SYK: variants seen among roughly 807,000 people sequenced by gnomAD.
SYK encodes spleen associated tyrosine kinase, also known as tyrosine-protein kinase SYK.
SYK carries 16 observed loss-of-function variants against 77.8 expected under a neutral mutation model. The observed-to-expected ratio is 0.21, with a 90% CI of 0.14 to 0.31. The LOEUF (loss-of-function observed/expected upper bound fraction) is 0.31. Ranked by LOEUF, SYK falls within the 10% of genes least tolerant of loss-of-function variation. The pLI, the probability that SYK is intolerant of heterozygous loss-of-function variation, is 1.00. For synonymous variants in SYK, 312 were observed against 308.7 expected, an observed-to-expected ratio of 1.01 and a Z score of -0.11; for missense variants, 529 against 814.4, an observed-to-expected ratio of 0.65 and a Z score of 4.26.
intron 8 of SYK, 88 bp from the exon 9 acceptor site, chr9:90,874,584 C>T (rs1003342083): frequency 6.9e-7 from 1 of 1,439,142 alleles, no homozygotes; most frequent in African/African-American, 1.4e-5. Context: ...ACTCTGAGTT[C>T]ATATTCCCAT....
intron 7 of SYK, among the ~76,000 whole-genome samples, chr9:90,868,626 A>G (rs1827610292): frequency 6.6e-6 from 1 of 152,230 alleles, no homozygotes; most frequent in Non-Finnish European, 1.5e-5. Context: ...GTTTAACTTC[A>G]TGAGAAGAGA....
At chr9:90,805,593 AAGT>A (rs1438864742) in intron 1 of SYK, among the ~76,000 whole-genome samples, 3 of 152,192 alleles carry the variant, frequency 2.0e-5, no homozygotes, top group Non-Finnish European at 2.9e-5. Context: ...GCCTGACTAT[AAGT>A]AGCATTTGAA....
chr9:90,814,446 G>T (rs1825214254), intron 1 of SYK, among the ~76,000 whole-genome samples: 1 of 152,126 alleles, frequency 6.6e-6, no homozygotes, highest in Non-Finnish European at 1.5e-5. Flanking sequence ...AGGTGTCAGG[G>T]ACCAGTTGCC....
intron 11 of SYK, among the ~76,000 whole-genome samples, chr9:90,883,942 T>G (rs1828260733): frequency 6.6e-6 from 1 of 152,148 alleles, no homozygotes; most frequent in Non-Finnish European, 1.5e-5. Context: ...AGCTCACTGC[T>G]GTCACCACTG....
chr9:90,857,251 A>G (rs1054237613), intron 3 of SYK, among the ~76,000 whole-genome samples: 4 of 152,256 alleles, frequency 2.6e-5, no homozygotes, highest in Non-Finnish European at 5.9e-5. Flanking sequence ...GTAATTGATC[A>G]AAGTATGCCA....
intron 6 of SYK, among the ~76,000 whole-genome samples, 200 bp downstream of exon 6, chr9:90,865,297 C>T (rs1226386275): frequency 6.6e-6 from 1 of 151,512 alleles, no homozygotes; most frequent in Non-Finnish European, 1.5e-5. Flanking sequence ...ATTTTCTTTT[C>T]TTTTTTTCTT....
At chr9:90,860,509 A>C (rs73506033) in intron 3 of SYK, among the ~76,000 whole-genome samples, 2,626 of 152,246 alleles carry the variant, frequency 0.017, 77 homozygotes, top group African/African-American at 0.06. Flanking sequence ...GGCTGTGAAA[A>C]GGGAGCTCAC....
intron 10 of SYK, 138 bp from the exon 11 acceptor site, chr9:90,878,626 T>C: frequency 1.5e-6 from 1 of 653,528 alleles, no homozygotes; most frequent in Non-Finnish European, 2.6e-6. Flanking sequence ...AACAAAGTTA[T>C]TTGTCACCAC....
chr9:90,872,077 G>C (rs888904492), intron 7 of SYK, among the ~76,000 whole-genome samples: 2 of 152,168 alleles, frequency 1.3e-5, no homozygotes, highest in Non-Finnish European at 2.9e-5. Context: ...TGACACCCTA[G>C]TATCCCTTTC....
chr9:90,854,281 G>C (rs11795405), intron 3 of SYK, among the ~76,000 whole-genome samples: 10 of 152,182 alleles, frequency 6.6e-5, no homozygotes, highest in African/African-American at 9.7e-5. Context: ...CTGCTCTGAC[G>C]GCTCACAGCA....
intron 1 of SYK, among the ~76,000 whole-genome samples, chr9:90,823,357 T>A (rs543097640): frequency 4.6e-5 from 7 of 152,286 alleles, no homozygotes; most frequent in Middle Eastern, 3.4e-3. Context: ...ACCAAATAGA[T>A]AGGATAAAAA....
rs994855136 is a variant in SYK at position 90,824,004 on chromosome 9, GA to G, written c.-41-19844del. Among the ~76,000 whole-genome samples the G allele has an allele frequency of 1.5e-4, 20 of 135,098 alleles. No individual in the cohort carries two copies. In the South Asian group the frequency reaches 3.2e-3, roughly 22 times the overall value. 88.6% of individuals were successfully genotyped at this position (135,098 alleles called of 152,430 possible). A position where few individuals can be genotyped will look rare whatever the true frequency, so the allele number is the denominator to read the frequency against. On this transcript the variant is annotated intron_variant, in intron 1 of 13. Transcript: ENST00000375754. Reference sequence around the variant, plus strand: ...ACCAAATTGATAAACCTTTAACCAAGAAAAAAAAAAGAAAAAAATGTAGAAG... The same window carrying G: ...ACCAAATTGATAAACCTTTAACCAAGAAAAAAAAAGAAAAAAATGTAGAAG...
chr9:90,835,371 A>C (rs1826035045), intron 1 of SYK, among the ~76,000 whole-genome samples: 1 of 152,220 alleles, frequency 6.6e-6, no homozygotes, highest in South Asian at 2.1e-4. Flanking sequence ...GGGCCCAGGA[A>C]ATCTTGGCAG....
At chr9:90,848,676 A>G (rs192165286) in intron 3 of SYK, among the ~76,000 whole-genome samples, 1 of 152,292 alleles carries the variant, frequency 6.6e-6, no homozygotes, top group Admixed American at 6.5e-5. Flanking sequence ...CCATGGACCA[A>G]CATTACTGGA....
chr9:90,843,152 G>A (rs1826440256), intron 1 of SYK, among the ~76,000 whole-genome samples: 1 of 152,170 alleles, frequency 6.6e-6, no homozygotes, highest in Admixed American at 6.5e-5. Flanking sequence ...GGAGAAGACA[G>A]CCTATGGGCC....
At chr9:90,852,750 GA>G (rs1460616710) in intron 3 of SYK, among the ~76,000 whole-genome samples, 4 of 151,966 alleles carry the variant, frequency 2.6e-5, no homozygotes, top group African/African-American at 9.7e-5. Context: ...TCTGACTTTA[GA>G]AAAAAAAGTT....
At position 90,802,580 on chromosome 9, in the gene SYK, CTGTT is replaced by C. The variant is rs200895862; in HGVS notation, c.-42+691_-42+694del. On this transcript the variant is annotated intron_variant, in intron 1 of 13. Transcript: ENST00000375754. ...AAGAGTTAAGGGTGTTTCTTTTTGT[CTGTT>C]TGTCTGTTTTTGGCAATGTGGCTCC... is the stretch of plus-strand genomic sequence containing the variant. 6.4e-3 allele frequency among the ~76,000 whole-genome samples: 977 copies of C among 152,042 alleles called. 13 individuals carry two copies. The highest frequency in any genetic ancestry group is 0.022 in the African/African-American group (914 of 41,468).
chr9:90,866,714 G>A (rs1476409632), intron 6 of SYK, among the ~76,000 whole-genome samples: 1 of 152,220 alleles, frequency 6.6e-6, no homozygotes, highest in East Asian at 1.9e-4. Flanking sequence ...TACGCCCTAT[G>A]TGTACAACTC....
intron 7 of SYK, among the ~76,000 whole-genome samples, chr9:90,867,654 G>A (rs1025499535): frequency 3.9e-5 from 6 of 152,268 alleles, no homozygotes; most frequent in Non-Finnish European, 7.4e-5. Context: ...GTCAGGCAGT[G>A]CATGGTAACT....
Sources: allele counts gnomAD v4.1 joint callset (sites outside exome capture counted in the v4.1 genomes callset), GRCh38; gene constraint gnomAD v4.1.1; transcripts MANE v1.5; gene names NCBI Gene and HGNC (gene_info 2026-07-23, HGNC 2026-07-21).